The following RPS6KA2 variants were observed in gnomAD, a reference collection of about 807,000 sequenced individuals.
RPS6KA2 encodes the protein ribosomal protein S6 kinase A2.
A neutral mutation model predicts 91.8 loss-of-function variants in RPS6KA2; 42 were observed. The ratio of observed to expected loss-of-function variants is 0.46; its 90% CI spans 0.36 to 0.59. RPS6KA2 has a LOEUF of 0.59. RPS6KA2 is among the 20% of genes least tolerant of loss of function. The pLI, the probability that RPS6KA2 is intolerant of heterozygous loss-of-function variation, is 0.00. For synonymous variants in RPS6KA2, 414 were observed against 393.6 expected (o/e 1.05, Z -0.61); for missense variants, 798 against 978.5 (o/e 0.82, Z 2.46).
intron 1 of RPS6KA2, among the ~76,000 whole-genome samples, chr6:166,581,483 T>G (rs924356643): frequency 2.0e-5 from 3 of 152,126 alleles, no homozygotes; most frequent in Non-Finnish European, 4.4e-5. Flanking sequence ...AGGGACTTGA[T>G]GTCCAAGTGC....
rs1386026637 is a variant in RPS6KA2 at position 166,554,619 on chromosome 6, G to T, written c.100-15835C>A. Among the ~76,000 whole-genome samples the T allele has an allele frequency of 6.6e-6, 1 of 152,236 alleles. No individual in the cohort carries two copies. The highest frequency in any genetic ancestry group is 1.5e-5 in the Non-Finnish European group (1 of 68,038). Reference sequence around the variant, plus strand: ...GCTGGCACGCGGGTGGCCATGGGGGGGTGGGGGTCCCACTCCAGCACAGGA... The same window carrying T: ...GCTGGCACGCGGGTGGCCATGGGGGTGTGGGGGTCCCACTCCAGCACAGGA... On this transcript the variant is annotated intron_variant, in intron 1 of 20. Transcript: ENST00000265678. This position sits in a 1 kb window ranked among gnomAD's most constrained non-coding sequence, Gnocchi z 4.3.
At position 166,418,407 on chromosome 6, in the gene RPS6KA2, G is replaced by A. The variant is rs371863022; in HGVS notation, c.1821-65C>T. 41 of 1,201,012 alleles carry A rather than the reference G, an allele frequency of 3.4e-5. No homozygotes were observed. The highest frequency in any genetic ancestry group is 3.3e-4 in the East Asian group (14 of 42,958). The allele number at this position is 1,201,012 out of a possible 1,614,324, so 74.4% of individuals were successfully genotyped here. A position where few individuals can be genotyped will look rare whatever the true frequency, so the allele number is the denominator to read the frequency against. On this transcript the variant is annotated intron_variant, in intron 18 of 20. Coordinates refer to ENST00000265678, the MANE Select transcript of RPS6KA2 (RefSeq NM_021135.6). This position sits in a 1 kb window ranked among gnomAD's most constrained non-coding sequence, Gnocchi z 4.9. ...TTACAACCTAAAATAAAGTTTGCAA[G>A]TTGATATCACCCCTTGGCTGTTCAA...
intron 10 of RPS6KA2, among the ~76,000 whole-genome samples, chr6:166,488,360 T>C (rs1401731206): frequency 6.6e-6 from 1 of 152,206 alleles, no homozygotes; most frequent in African/African-American, 2.4e-5. Flanking sequence ...GCCAACTCGC[T>C]AAGACCGGCC....
chr6:166,504,176 G>A (rs1485440317), intron 6 of RPS6KA2, among the ~76,000 whole-genome samples: 1 of 152,230 alleles, frequency 6.6e-6, no homozygotes, highest in East Asian at 1.9e-4. Flanking sequence ...AGAGAGGGCG[G>A]GAATGTGGGT....
chr6:166,615,059 A>T (rs12204787), intron 1 of RPS6KA2, among the ~76,000 whole-genome samples: 20,278 of 152,010 alleles, frequency 0.13, 1,427 homozygotes, highest in Non-Finnish European at 0.17. Context: ...TCAGGGCTGG[A>T]TGTGGGGCTC....
At chr6:166,741,785 G>A (rs1055064672) in intron 2 of RPS6KA2, among the ~76,000 whole-genome samples, 10 of 152,282 alleles carry the variant, frequency 6.6e-5, no homozygotes, top group African/African-American at 2.2e-4. Flanking sequence ...GGGTAGCCCC[G>A]TTTCCAGCAT....
At position 166,626,951 on chromosome 6, in the gene RPS6KA2, G is replaced by C. The variant is rs1786905374; in HGVS notation, c.69C>G (p.Arg23=). ...GCCGGCTCAGGCTGGAGCTCTTGGA[G>C]CGCGACTTCCTGCGCAGGTACACAG... ...FFSVYLRRKS[R]SKSSSLSRLE... is the part of the protein sequence containing the mutation. Residue 23 remains arginine, a synonymous_variant, in exon 1 of 21, where the codon CGC becomes CGG. Coordinates refer to ENST00000265678, the MANE Select transcript of RPS6KA2 (RefSeq NM_021135.6). The surrounding 1 kb of genome is among the most constrained non-coding windows in gnomAD (Gnocchi z 4.1). The C allele has an allele frequency of 6.4e-7, 1 of 1,562,760 alleles. No homozygotes were observed. The highest frequency in any genetic ancestry group is 8.7e-7 in the Non-Finnish European group (1 of 1,153,962).
intron 2 of RPS6KA2, among the ~76,000 whole-genome samples, chr6:166,786,380 A>G (rs1778930026): frequency 6.6e-6 from 1 of 152,242 alleles, no homozygotes; most frequent in Admixed American, 6.5e-5. Flanking sequence ...AAAGGAGTTA[A>G]TAGAGAATAA....
intron 2 of RPS6KA2, among the ~76,000 whole-genome samples, chr6:166,847,918 A>C (rs946204435): frequency 1.3e-5 from 2 of 152,208 alleles, no homozygotes; most frequent in Non-Finnish European, 2.9e-5. Flanking sequence ...GATGGGACTT[A>C]ATTAAATTAA....
At chr6:166,851,678 C>T (rs1215855298) in intron 2 of RPS6KA2, among the ~76,000 whole-genome samples, 1 of 152,168 alleles carries the variant, frequency 6.6e-6, no homozygotes, top group Non-Finnish European at 1.5e-5. Flanking sequence ...TGTTCCCATT[C>T]GCACTGAGTA....
At chr6:166,534,392 G>A (rs1474275153) in intron 2 of RPS6KA2, among the ~76,000 whole-genome samples, 1 of 152,136 alleles carries the variant, frequency 6.6e-6, no homozygotes, top group Non-Finnish European at 1.5e-5. Flanking sequence ...GGAGGACCCT[G>A]AAGAAAAAGG....
chr6:166,760,632 C>T (rs1424738739), intron 2 of RPS6KA2, among the ~76,000 whole-genome samples: 3 of 152,218 alleles, frequency 2.0e-5, no homozygotes, highest in African/African-American at 7.2e-5. Context: ...GCTCATCTTT[C>T]CTGCACCACA....
At chr6:166,830,904 C>T (rs74321401) in intron 2 of RPS6KA2, among the ~76,000 whole-genome samples, 3,572 of 152,290 alleles carry the variant, frequency 0.023, 72 homozygotes, top group Non-Finnish European at 0.038. Flanking sequence ...CCAGCTCCCC[C>T]CTATCAAGCT....
At position 166,415,895 on chromosome 6, in the gene RPS6KA2, C is replaced by T. The variant is rs570548416; in HGVS notation, c.1939-1964G>A. ...CCACCATAATCTTCACCATCACCTC[C>T]ACAATCATCCTCACCGTCCTTCCTC... On this transcript the variant is annotated intron_variant, in intron 19 of 20. Coordinates refer to ENST00000265678, the MANE Select transcript of RPS6KA2 (RefSeq NM_021135.6). Among the ~76,000 whole-genome samples, 10 of 151,346 alleles carry T rather than the reference C, an allele frequency of 6.6e-5. No homozygotes were observed. In the East Asian group the frequency reaches 2.0e-3, roughly 30 times the overall value.
At chr6:166,667,399 A>G in intron 2 of RPS6KA2, among the ~76,000 whole-genome samples, 1 of 152,220 alleles carries the variant, frequency 6.6e-6, no homozygotes, top group South Asian at 2.1e-4. Context: ...CAGAAAATAT[A>G]CCTAATGAAA....
At chr6:166,487,717 C>G (rs538891816) in intron 10 of RPS6KA2, among the ~76,000 whole-genome samples, 2 of 152,296 alleles carry the variant, frequency 1.3e-5, no homozygotes, top group East Asian at 3.9e-4. Context: ...TATGACAATT[C>G]ATTACAAGAT....
chr6:166,778,260 G>A (rs1778676574), intron 2 of RPS6KA2, among the ~76,000 whole-genome samples: 1 of 152,214 alleles, frequency 6.6e-6, no homozygotes, highest in Admixed American at 6.5e-5. Context: ...AGAACAGCAG[G>A]GTGAGATGGC....
intron 1 of RPS6KA2, among the ~76,000 whole-genome samples, chr6:166,569,023 C>T (rs1264529797): frequency 3.3e-5 from 5 of 152,020 alleles, no homozygotes; most frequent in Admixed American, 6.5e-5. Flanking sequence ...CATTAATAAA[C>T]GTATACAAAA....
chr6:166,802,522 C>T (rs1164383245), intron 2 of RPS6KA2, among the ~76,000 whole-genome samples: 1 of 152,172 alleles, frequency 6.6e-6, no homozygotes, highest in Non-Finnish European at 1.5e-5. Context: ...AACAGTGAGG[C>T]TGCCTTTGCT....
Sources: allele counts gnomAD v4.1 joint callset (sites outside exome capture counted in the v4.1 genomes callset), GRCh38; gene constraint gnomAD v4.1.1; non-coding constraint Gnocchi (gnomAD v3.1); transcripts MANE v1.5; gene names NCBI Gene and HGNC (gene_info 2026-07-23, HGNC 2026-07-21).